KLHL13: variants seen among roughly 807,000 people sequenced by gnomAD.
KLHL13 encodes the protein kelch-like protein 13.
A neutral mutation model predicts 37.1 loss-of-function variants in KLHL13; 10 were observed. The observed-to-expected ratio is 0.27, with a 90% CI of 0.17 to 0.46. KLHL13 has a LOEUF of 0.46. Ranked by LOEUF, KLHL13 falls within the 20% of genes least tolerant of loss-of-function variation. The pLI, the probability that KLHL13 is intolerant of heterozygous loss-of-function variation, is 1.00. For missense variants in KLHL13, 360 were observed against 509.3 expected (o/e 0.71, Z 2.82); for synonymous variants, 163 against 181.2 (o/e 0.90, Z 0.81).
rs200004045 is a variant in KLHL13, at chrX:117,983,433, C to T, written c.-55-37858G>A. The T allele has an allele frequency of 1.8e-4, 146 of 794,852 alleles. 2 individuals carry two copies. The East Asian group carries it at 4.4e-3, about 24-fold the overall frequency. 65.5% of individuals were successfully genotyped at this position (794,852 alleles called of 1,213,427 possible). On this transcript the variant is annotated intron_variant, in intron 1 of 6. Coordinates refer to the KLHL13 transcript ENST00000371882. ...GGTCTTTCATGAAAACCAATTCGCACTGAAAAAAAAAAAAAGGTGAGGAAA... is the reference window on the plus strand; with the variant it reads ...GGTCTTTCATGAAAACCAATTCGCATTGAAAAAAAAAAAAAGGTGAGGAAA...
At chrX:117,927,444 T>C (rs1932138471) in intron 2 of KLHL13, among the ~76,000 whole-genome samples, 2 of 112,299 alleles carry the variant, frequency 1.8e-5, no homozygotes, top group South Asian at 7.4e-4. Context: ...TTCAATTCAG[T>C]TCCTCTCTCT....
At chrX:118,011,140 C>T (rs1001784652) in intron 1 of KLHL13, among the ~76,000 whole-genome samples, 3 of 108,958 alleles carry the variant, frequency 2.8e-5, no homozygotes, top group African/African-American at 6.7e-5. Flanking sequence ...AGAGGCATGG[C>T]ATATATTTCA....
At chrX:118,083,266 T>C (rs2055016982) in intron 1 of KLHL13, among the ~76,000 whole-genome samples, 1 of 111,504 alleles carries the variant, frequency 9.0e-6, no homozygotes, top group Non-Finnish European at 1.9e-5. Flanking sequence ...GTATCTATCA[T>C]CATATACCTA....
intron 1 of KLHL13, among the ~76,000 whole-genome samples, chrX:118,045,965 T>G (rs1474023240): frequency 8.9e-6 from 1 of 112,214 alleles, no homozygotes; most frequent in Non-Finnish European, 1.9e-5. Flanking sequence ...GTACCACTAC[T>G]ATGGAGAACA....
chrX:118,077,297 A>T (rs1240531359), intron 1 of KLHL13, among the ~76,000 whole-genome samples: 1 of 111,051 alleles, frequency 9.0e-6, no homozygotes, highest in African/African-American at 3.3e-5. Context: ...AGCAGTATGC[A>T]GTGGGAATCT....
intron 1 of KLHL13, chrX:117,946,119 GATTA>G (rs1933305225): frequency 9.0e-6 from 1 of 111,197 alleles, no homozygotes; most frequent in African/African-American, 3.3e-5. Context: ...AAAAGTAAAA[GATTA>G]ATTGTTATAT....
chrX:118,020,603 A>G (rs1423989525), intron 1 of KLHL13, among the ~76,000 whole-genome samples: 1 of 110,827 alleles, frequency 9.0e-6, no homozygotes, highest in African/African-American at 3.3e-5. Context: ...AGGGATCTAG[A>G]ACTAGAAATA....
intron 1 of KLHL13, among the ~76,000 whole-genome samples, chrX:117,951,308 A>T (rs910177188): frequency 8.9e-5 from 10 of 112,105 alleles, no homozygotes; most frequent in Non-Finnish European, 1.9e-4. Flanking sequence ...CCCCAACTAA[A>T]ATGTCATTTA....
At chrX:117,998,839 G>A (rs754500838) in intron 1 of KLHL13, among the ~76,000 whole-genome samples, 1 of 110,341 alleles carries the variant, frequency 9.1e-6, no homozygotes, top group South Asian at 3.9e-4. Flanking sequence ...AGCACACAGG[G>A]AACCATGAAG....
chrX:118,101,865 C>T (rs1015409895), intron 1 of KLHL13, among the ~76,000 whole-genome samples: 4 of 111,823 alleles, frequency 3.6e-5, no homozygotes, highest in African/African-American at 9.7e-5. Context: ...GCTTGCTTCC[C>T]CTTCACCTTC....
intron 1 of KLHL13, among the ~76,000 whole-genome samples, chrX:118,008,192 T>G (rs1015551519): frequency 8.9e-6 from 1 of 111,884 alleles, no homozygotes; most frequent in Non-Finnish European, 1.9e-5. Flanking sequence ...ATAATCTTTC[T>G]AACGCTCACC....
At chrX:118,043,791 G>A (rs1402414993) in intron 1 of KLHL13, among the ~76,000 whole-genome samples, 2 of 111,931 alleles carry the variant, frequency 1.8e-5, no homozygotes, top group African/African-American at 6.5e-5. Context: ...GTATCATATT[G>A]AATGGGAAAA....
At chrX:117,970,297 C>T (rs973859516) in intron 1 of KLHL13, among the ~76,000 whole-genome samples, 5 of 111,736 alleles carry the variant, frequency 4.5e-5, no homozygotes, top group East Asian at 2.8e-4. Context: ...CACAAGCATA[C>T]GTACAAAAAG....
chrX:117,947,219 G>A (rs1313792438), intron 1 of KLHL13: 1 of 111,738 alleles, frequency 8.9e-6, no homozygotes, highest in Non-Finnish European at 1.9e-5. Flanking sequence ...GATTGATGGT[G>A]ACTGTTATCC....
intron 1 of KLHL13, among the ~76,000 whole-genome samples, chrX:118,083,118 A>G (rs2055015267): frequency 8.9e-6 from 1 of 111,939 alleles, no homozygotes; most frequent in Non-Finnish European, 1.9e-5. Flanking sequence ...AAAAACTATC[A>G]TTGGTATTTT....
At chrX:117,982,817 T>C (rs1021228012) in intron 1 of KLHL13, among the ~76,000 whole-genome samples, 2 of 111,613 alleles carry the variant, frequency 1.8e-5, no homozygotes, top group African/African-American at 3.3e-5. Flanking sequence ...ATTGTCTTCT[T>C]TCTCAGTCCC....
At chrX:118,040,257 A>C in intron 1 of KLHL13, among the ~76,000 whole-genome samples, 1 of 111,936 alleles carries the variant, frequency 8.9e-6, no homozygotes, top group Non-Finnish European at 1.9e-5. Flanking sequence ...TCACCAAACA[A>C]ACTAAATGAG....
At chrX:117,925,553 A>C (rs988654011) in intron 2 of KLHL13, among the ~76,000 whole-genome samples, 1 of 111,992 alleles carries the variant, frequency 8.9e-6, no homozygotes, top group African/African-American at 3.2e-5. Flanking sequence ...AGATGCACTT[A>C]AGTTAAAACA....
intron 1 of KLHL13, among the ~76,000 whole-genome samples, chrX:118,031,481 A>AGATATATATATTTAGATATATATATC (rs2054340801): frequency 4.2e-5 from 4 of 96,291 alleles, no homozygotes; most frequent in African/African-American, 1.6e-4. Flanking sequence ...ATATATATAT[A>AGATATATATATTTAGATATATATATC]GATATATATA....
Sources: gnomAD v4.1 joint callset for allele counts (sites outside exome capture counted in the v4.1 genomes callset) on GRCh38, gnomAD v4.1.1 for gene constraint, MANE v1.5 for transcripts, NCBI Gene and HGNC (gene_info 2026-07-23, HGNC 2026-07-21) for gene names.